The following LRPPRC variants were observed in gnomAD, a reference collection of about 807,000 sequenced individuals.
LRPPRC encodes leucine-rich PPR motif-containing protein, mitochondrial.
Under a neutral mutation model 180.3 loss-of-function variants are expected in LRPPRC, and 120 were observed. The ratio of observed to expected loss-of-function variants is 0.67; its 90% CI spans 0.57 to 0.77. The LOEUF is 0.77. LRPPRC is among the 30% of genes least tolerant of loss of function. The probability of loss-of-function intolerance (pLI) is 0.00; values close to 1 mark genes in which losing one functional copy is unlikely to be tolerated. For synonymous variants in LRPPRC, 723 were observed against 600.0 expected (o/e 1.21, Z -3.00); for missense variants, 2,012 against 1,657.2 (o/e 1.21, Z -3.72).
rs1673165471 is a variant in LRPPRC at position 43,957,450 on chromosome 2, C to A, written c.1584G>T (p.Leu528Phe). 6.2e-7 allele frequency: 1 copy of A among 1,610,854 alleles called. No individual in the cohort carries two copies. The highest frequency in any genetic ancestry group is 1.3e-5 in the African/African-American group (1 of 74,822). Reference protein sequence around the residue: ...NGNLDFVLSFLKSNTLPISLQ... With the variant: ...NGNLDFVLSFFKSNTLPISLQ... ...GCGAGATGGGCAATGTATTTGATTTCACTGCAAAAGAAAATGACCATCATT... is the reference window on the plus strand; with the variant it reads ...GCGAGATGGGCAATGTATTTGATTTAACTGCAAAAGAAAATGACCATCATT... Residue 528 changes from leucine to phenylalanine, a missense_variant and splice_region_variant, in exon 14 of 38, where the codon TTG becomes TTT. Transcript: ENST00000260665.
chr2:43,908,887 A>G lies in LRPPRC; in HGVS notation c.3276-3107T>C, dbSNP rs183794689. Among the ~76,000 whole-genome samples, 6 of 152,318 alleles carry G rather than the reference A, an allele frequency of 3.9e-5. No individual in the cohort carries two copies. The East Asian group carries it at 1.2e-3, about 29-fold the overall frequency. On this transcript the variant is annotated intron_variant, in intron 30 of 37. Transcript: ENST00000260665. ...GTGACCTTATATAGGAAACTGTAAA[A>G]ACAGCTATTTATGGATCCAGAGTAA...
chr2:43,977,947 T>C (rs1382194951), intron 3 of LRPPRC, among the ~76,000 whole-genome samples: 1 of 152,308 alleles, frequency 6.6e-6, no homozygotes, highest in Admixed American at 6.5e-5. Context: ...TTTATTCAAC[T>C]GCCTGTGACC....
At chr2:43,967,681 G>A (rs1280009587) in intron 11 of LRPPRC, among the ~76,000 whole-genome samples, 4 of 152,096 alleles carry the variant, frequency 2.6e-5, no homozygotes, top group African/African-American at 4.8e-5. Context: ...ACAACAGAGC[G>A]AGACTCGGTC....
chr2:43,907,206 C>CCT (rs1356468270), intron 30 of LRPPRC, among the ~76,000 whole-genome samples: 3 of 152,150 alleles, frequency 2.0e-5, no homozygotes, highest in Non-Finnish European at 4.4e-5. Context: ...ATAATCTCTT[C>CCT]CTCTCTCAAG....
At chr2:43,982,476 A>G in intron 1 of LRPPRC, 42 bp from the exon 2 acceptor site, 2 of 1,449,164 alleles carry the variant, frequency 1.4e-6, no homozygotes, top group Middle Eastern at 1.8e-4. Context: ...GTTGCTATCT[A>G]TTTAGGTCAT....
intron 12 of LRPPRC, among the ~76,000 whole-genome samples, chr2:43,962,408 A>T (rs924080915): frequency 6.6e-6 from 1 of 152,256 alleles, no homozygotes; most frequent in African/African-American, 2.4e-5. Context: ...AATGAAAGAA[A>T]CACTCTAACA....
At chr2:43,968,393 C>T (rs1030387243) in intron 11 of LRPPRC, among the ~76,000 whole-genome samples, 1 of 152,090 alleles carries the variant, frequency 6.6e-6, no homozygotes, top group African/African-American at 2.4e-5. Flanking sequence ...GATGGAAGTT[C>T]CAAGAACTGA....
intron 30 of LRPPRC, among the ~76,000 whole-genome samples, chr2:43,906,346 A>C (rs926442615): frequency 6.6e-6 from 1 of 152,236 alleles, no homozygotes; most frequent in African/African-American, 2.4e-5. Context: ...CTTTAAAATT[A>C]AAAATTTCAC....
chr2:43,993,773 T>C (rs1553416290), intron 1 of LRPPRC, among the ~76,000 whole-genome samples: 1 of 151,018 alleles, frequency 6.6e-6, no homozygotes. Flanking sequence ...AGTAATGATA[T>C]CAGACAAGTG....
chr2:43,953,302 G>GA (rs1672976647), intron 14 of LRPPRC, among the ~76,000 whole-genome samples: 1 of 152,156 alleles, frequency 6.6e-6, no homozygotes, highest in South Asian at 2.1e-4. Flanking sequence ...ATATTCTTAT[G>GA]AAAAATGCCA....
intron 35 of LRPPRC, among the ~76,000 whole-genome samples, chr2:43,895,082 T>G (rs999223278): frequency 2.6e-5 from 4 of 152,222 alleles, no homozygotes; most frequent in Non-Finnish European, 5.9e-5. Context: ...AATTTTTACT[T>G]ATTTCTTCCA....
chr2:43,965,841 T>TA (rs1345130606), intron 11 of LRPPRC, among the ~76,000 whole-genome samples: 1 of 152,192 alleles, frequency 6.6e-6, no homozygotes, highest in African/African-American at 2.4e-5. Context: ...TCAGAATGGC[T>TA]ACTATCAAAA....
At chr2:43,943,329 CTT>C (rs1476070567) in intron 23 of LRPPRC, among the ~76,000 whole-genome samples, 4 of 152,056 alleles carry the variant, frequency 2.6e-5, no homozygotes. Flanking sequence ...TGCTTCAACA[CTT>C]ATTACCTGAA....
rs1178713354 is a variant in LRPPRC, at chr2:43,990,286, C to G, written c.149+5513G>C. Among the ~76,000 whole-genome samples the G allele has an allele frequency of 3.3e-5, 5 of 152,146 alleles. No individual in the cohort carries two copies. The East Asian group carries it at 7.7e-4, about 23-fold the overall frequency. ...TTGTTTACCCTAATCCCCAAATCTA[C>G]TTTTCTTAATTCTGCTAACACTCTC... On this transcript the variant is annotated intron_variant, in intron 1 of 37. Coordinates refer to ENST00000260665, the MANE Select transcript of LRPPRC (RefSeq NM_133259.4).
In LRPPRC at chr2:43,982,342, T is replaced by C. The variant is rs748138102; in HGVS notation, c.242A>G (p.Asn81Ser). The change falls in exon 2 of 38, where the codon AAT becomes AGT. Residue 81 changes from asparagine to serine, a missense_variant. By Grantham distance (46) the Asn-to-Ser change is conservative. Transcript: ENST00000260665. ...TCTCATTAGAGCCCAATCAAACTGA[T>C]TGGAAATCTTCCTAGAAGAAAAAGT... is the stretch of plus-strand genomic sequence containing the variant. Reference protein sequence around the residue: ...ESTFSSRKISNQFDWALMRLD... With the variant: ...ESTFSSRKISSQFDWALMRLD... 9.0e-5 allele frequency: 146 copies of C among 1,613,676 alleles called. No individual in the cohort carries two copies. The South Asian group carries it at 9.1e-4, about 10-fold the overall frequency.
chr2:43,900,880 G>A (rs1475703336), intron 32 of LRPPRC, among the ~76,000 whole-genome samples: 1 of 152,040 alleles, frequency 6.6e-6, no homozygotes, highest in Non-Finnish European at 1.5e-5. Flanking sequence ...TTTTGTGGGG[G>A]TGGGAGAGTG....
At chr2:43,995,723 C>A in intron 1 of LRPPRC, 76 bp downstream of exon 1, 1 of 1,286,574 alleles carries the variant, frequency 7.8e-7, no homozygotes, top group Non-Finnish European at 1.0e-6. Flanking sequence ...AGGCAGGACC[C>A]GGTCCCTGCC....
At chr2:43,944,315 C>T (rs1194068978) in intron 22 of LRPPRC, among the ~76,000 whole-genome samples, 1 of 151,988 alleles carries the variant, frequency 6.6e-6, no homozygotes, top group African/African-American at 2.4e-5. Flanking sequence ...TGGTCTGATA[C>T]CGATAGGGCC....
At chr2:43,915,388 A>C (rs991414353) in intron 29 of LRPPRC, among the ~76,000 whole-genome samples, 1 of 152,054 alleles carries the variant, frequency 6.6e-6, no homozygotes, top group Non-Finnish European at 1.5e-5. Context: ...CAGCAAAGGA[A>C]AATGCCTCAG....
Sources: gnomAD v4.1 joint callset for allele counts (sites outside exome capture counted in the v4.1 genomes callset) on GRCh38, gnomAD v4.1.1 for gene constraint, MANE v1.5 for transcripts, NCBI Gene and HGNC (gene_info 2026-07-23, HGNC 2026-07-21) for gene names.